PRDM1: variants seen among roughly 807,000 people sequenced by gnomAD.
The protein encoded by PRDM1 is PR/SET domain 1, also known as PR domain zinc finger protein 1.
In PRDM1, 13 loss-of-function variants were observed where a neutral mutation model predicts 62.8. The ratio of observed to expected loss-of-function variants is 0.21; its 90% CI spans 0.13 to 0.33. PRDM1 has a LOEUF of 0.33. Among genes scored for constraint, PRDM1 ranks in the 10% least tolerant of loss-of-function variants. The probability of loss-of-function intolerance (pLI) is 1.00; values close to 1 mark genes in which losing one functional copy is unlikely to be tolerated. For missense variants in PRDM1, 895 were observed against 1,058.8 expected, an observed-to-expected ratio of 0.85 and a Z score of 2.15; for synonymous variants, 396 against 417.6, an observed-to-expected ratio of 0.95 and a Z score of 0.63.
chr6:106,040,801 A>G (rs1478665368), intron 1 of PRDM1, among the ~76,000 whole-genome samples: 1 of 152,262 alleles, frequency 6.6e-6, no homozygotes, highest in Non-Finnish European at 1.5e-5. Context: ...AACAATTAAG[A>G]TAGAAATATA....
intron 1 of PRDM1, among the ~76,000 whole-genome samples, chr6:106,077,460 C>T (rs1158797479): frequency 6.6e-6 from 1 of 152,202 alleles, no homozygotes; most frequent in Non-Finnish European, 1.5e-5. Context: ...ATAGACACTG[C>T]CTGAACTGGA....
chr6:106,010,113 C>A (rs1159799742), intron 1 of PRDM1, among the ~76,000 whole-genome samples: 2 of 152,184 alleles, frequency 1.3e-5, no homozygotes, highest in Admixed American at 6.5e-5. Flanking sequence ...GTGCCCAGTT[C>A]CCCTCTCTGC....
intron 3 of PRDM1, among the ~76,000 whole-genome samples, chr6:106,097,833 T>C (rs758733678): frequency 6.6e-6 from 1 of 152,188 alleles, no homozygotes; most frequent in Non-Finnish European, 1.5e-5. Flanking sequence ...TCCTGGAAGT[T>C]TGCACATCAG....
chr6:106,065,427 C>G (rs1773417207), intron 1 of PRDM1, among the ~76,000 whole-genome samples: 1 of 152,148 alleles, frequency 6.6e-6, no homozygotes, highest in African/African-American at 2.4e-5. Context: ...TAATTTAGCT[C>G]TTTTATAGCG....
At chr6:106,042,147 G>C (rs1403282033) in intron 1 of PRDM1, among the ~76,000 whole-genome samples, 1 of 150,784 alleles carries the variant, frequency 6.6e-6, no homozygotes, top group Non-Finnish European at 1.5e-5. Context: ...TAAATGTTTT[G>C]ATAATATTTA....
chr6:106,023,713 A>C (rs940781548), intron 1 of PRDM1, among the ~76,000 whole-genome samples: 1 of 152,122 alleles, frequency 6.6e-6, no homozygotes, highest in East Asian at 1.9e-4. Flanking sequence ...TTCGCATGCA[A>C]TTGTCCCAGA....
chr6:106,014,307 G>A (rs566992678), intron 1 of PRDM1, among the ~76,000 whole-genome samples: 12 of 151,562 alleles, frequency 7.9e-5, no homozygotes, highest in East Asian at 5.8e-4. Context: ...TAATCCGCCC[G>A]CCTCTGCCTC....
At chr6:106,041,270 C>T (rs957453958) in intron 1 of PRDM1, among the ~76,000 whole-genome samples, 1 of 152,184 alleles carries the variant, frequency 6.6e-6, no homozygotes, top group African/African-American at 2.4e-5. Flanking sequence ...CTCCCAGGCC[C>T]TACCTGCAAA....
At chr6:106,067,913 G>T (rs1319867148) in intron 1 of PRDM1, among the ~76,000 whole-genome samples, 1 of 151,766 alleles carries the variant, frequency 6.6e-6, no homozygotes, top group Non-Finnish European at 1.5e-5. Context: ...ATGTACATTT[G>T]GTAAAAATTT....
chr6:106,071,493 G>A (rs902934817), intron 1 of PRDM1, among the ~76,000 whole-genome samples: 47 of 152,016 alleles, frequency 3.1e-4, no homozygotes, highest in African/African-American at 2.4e-5. Flanking sequence ...ATTTTGCATT[G>A]ATTTTCTGGT....
chr6:106,017,526 C>T (rs936150984), intron 1 of PRDM1, among the ~76,000 whole-genome samples: 2 of 152,084 alleles, frequency 1.3e-5, no homozygotes, highest in Admixed American at 6.6e-5. Flanking sequence ...CGGAGGGCAC[C>T]GTGTTATGAA....
chr6:106,028,670 A>G (rs1034265442), intron 1 of PRDM1, among the ~76,000 whole-genome samples: 1 of 152,194 alleles, frequency 6.6e-6, no homozygotes, highest in East Asian at 1.9e-4. Flanking sequence ...TTTAAAGTGT[A>G]TAGTTTGATA....
chr6:105,996,639 C>T (rs1772351902), intron 1 of PRDM1, among the ~76,000 whole-genome samples: 1 of 152,204 alleles, frequency 6.6e-6, no homozygotes, highest in South Asian at 2.1e-4. Flanking sequence ...TTTGAACAAG[C>T]TGCAGCCTCT....
chr6:106,070,289 T>C (rs1773491785), intron 1 of PRDM1, among the ~76,000 whole-genome samples: 1 of 152,240 alleles, frequency 6.6e-6, no homozygotes, highest in Non-Finnish European at 1.5e-5. Context: ...TGGTAGCACA[T>C]TTTTAGTCAT....
chr6:105,993,698 G>A (rs939402361), intron 1 of PRDM1, among the ~76,000 whole-genome samples: 1 of 152,200 alleles, frequency 6.6e-6, no homozygotes, highest in Non-Finnish European at 1.5e-5. Flanking sequence ...ATCAAGGGTA[G>A]GGGACAAAAT....
chr6:106,091,143 C>G (rs1409949306), intron 2 of PRDM1, among the ~76,000 whole-genome samples: 1 of 152,162 alleles, frequency 6.6e-6, no homozygotes, highest in Non-Finnish European at 1.5e-5. Context: ...AAAATCAGTT[C>G]AAGCATTTAT....
At chr6:106,077,271 C>T (rs778518358) in intron 1 of PRDM1, among the ~76,000 whole-genome samples, 1 of 152,198 alleles carries the variant, frequency 6.6e-6, no homozygotes. Context: ...AATCAACCAT[C>T]GATCACACCA....
At chr6:106,019,425 C>CT (rs1385673492) in intron 1 of PRDM1, among the ~76,000 whole-genome samples, 2 of 150,950 alleles carry the variant, frequency 1.3e-5, no homozygotes, top group Non-Finnish European at 2.9e-5. Context: ...GAGTTTATAG[C>CT]TTTTTTCTTC....
chr6:106,051,342 T>C (rs1384593147), intron 1 of PRDM1, among the ~76,000 whole-genome samples: 2 of 152,224 alleles, frequency 1.3e-5, no homozygotes, highest in Non-Finnish European at 2.9e-5. Flanking sequence ...AGACCCAGTC[T>C]TAGGGACTAA....
Sources: allele counts gnomAD v4.1 joint callset (sites outside exome capture counted in the v4.1 genomes callset), GRCh38; gene constraint gnomAD v4.1.1; transcripts MANE v1.5; gene names NCBI Gene and HGNC (gene_info 2026-07-23, HGNC 2026-07-21).